Variants in OXCT1 observed in about 807,000 individuals in gnomAD.
OXCT1 encodes the protein 3-oxoacid CoA-transferase 1.
A neutral mutation model predicts 69.6 loss-of-function variants in OXCT1; 27 were observed. The observed-to-expected ratio is 0.39, with a 90% CI of 0.29 to 0.54. OXCT1 has a LOEUF of 0.54. OXCT1 is among the 20% of genes least tolerant of loss of function. OXCT1 has a pLI of 0.72. For synonymous variants in OXCT1, 202 were observed against 217.8 expected (o/e 0.93, Z 0.64); for missense variants, 437 against 650.2 (o/e 0.67, Z 3.57).
At position 41,821,541 on chromosome 5, in the gene OXCT1, A is replaced by G. The variant is rs530274725; in HGVS notation, c.733-14103T>C. Among the ~76,000 whole-genome samples the G allele has an allele frequency of 4.1e-4, 62 of 152,370 alleles. 1 individual carries two copies. Among genetic ancestry groups the G allele is most frequent in the African/African-American group, 1.5e-3 (62 of 41,588 alleles). On this transcript the variant is annotated intron_variant, in intron 7 of 16. Coordinates refer to ENST00000196371, the MANE Select transcript of OXCT1 (RefSeq NM_000436.4). ...GTATAAGAAAACACCAAACTGCGAA[A>G]GAAGCTGTAGCATTTTGCATTCTCA...
At chr5:41,769,637 G>A (rs1744787845) in intron 13 of OXCT1, among the ~76,000 whole-genome samples, 1 of 151,534 alleles carries the variant, frequency 6.6e-6, no homozygotes, top group Non-Finnish European at 1.5e-5. Context: ...GCTGAGGCAG[G>A]AAAATCACTT....
intron 14 of OXCT1, among the ~76,000 whole-genome samples, chr5:41,757,927 A>G (rs1300485203): frequency 1.3e-5 from 2 of 152,112 alleles, no homozygotes; most frequent in Non-Finnish European, 2.9e-5. Context: ...GACTATGTTT[A>G]CAGATTTTAA....
intron 3 of OXCT1, among the ~76,000 whole-genome samples, chr5:41,860,031 T>C (rs545370220): frequency 6.6e-6 from 1 of 151,716 alleles, no homozygotes; most frequent in Non-Finnish European, 1.5e-5. Context: ...GTATCCCTTA[T>C]AAGCATAAAG....
chr5:41,802,889 CTAT>C (rs1274897788), intron 10 of OXCT1, among the ~76,000 whole-genome samples, 177 bp downstream of exon 10: 3 of 152,018 alleles, frequency 2.0e-5, no homozygotes, highest in African/African-American at 4.8e-5. Flanking sequence ...TCAGATTTCA[CTAT>C]GTGGGACGGA....
intron 5 of OXCT1, chr5:41,843,726 C>G (rs1023438679): frequency 3.5e-6 from 1 of 288,086 alleles, no homozygotes; most frequent in African/African-American, 2.2e-5. Flanking sequence ...AGACTAAGTG[C>G]GTTTTACAAA....
At chr5:41,794,774 AAG>A (rs751741279) in intron 11 of OXCT1, 25 bp from the exon 12 acceptor site, 1 of 1,607,118 alleles carries the variant, frequency 6.2e-7, no homozygotes, top group South Asian at 1.1e-5. Context: ...ACACAAAAGA[AAG>A]AAAAGGCTAT....
chr5:41,755,994 A>T (rs1744049619), intron 14 of OXCT1, among the ~76,000 whole-genome samples: 1 of 152,098 alleles, frequency 6.6e-6, no homozygotes, highest in African/African-American at 2.4e-5. Flanking sequence ...AAGCCAGGAG[A>T]GAGTGAGTGA....
chr5:41,827,302 TAG>T (rs1028161718), intron 7 of OXCT1, among the ~76,000 whole-genome samples: 3 of 152,208 alleles, frequency 2.0e-5, no homozygotes, highest in African/African-American at 7.2e-5. Context: ...CAGAAAGTCA[TAG>T]AGAGACTCAG....
intron 7 of OXCT1, 52 bp downstream of exon 7, chr5:41,840,399 C>G: frequency 7.7e-7 from 1 of 1,293,830 alleles, no homozygotes; most frequent in Non-Finnish European, 1.1e-6. Flanking sequence ...TGAATTAATA[C>G]TTAACATCAA....
chr5:41,810,046 A>C (rs1035403518), intron 7 of OXCT1, among the ~76,000 whole-genome samples: 135 of 152,180 alleles, frequency 8.9e-4, no homozygotes, highest in African/African-American at 3.2e-3. Context: ...ACAAACCAAA[A>C]GAAGAAAACA....
In OXCT1 at chr5:41,762,450, A is replaced by C. The variant is rs974669681; in HGVS notation, c.1249-250T>G. ...ATGATTTTCTTGACATTTTAGCAATAAGACAATCAGTGGATTAAAAAAAAT... is the reference window on the plus strand; with the variant it reads ...ATGATTTTCTTGACATTTTAGCAATCAGACAATCAGTGGATTAAAAAAAAT... On this transcript the variant is annotated intron_variant, in intron 13 of 16. Coordinates refer to ENST00000196371, the MANE Select transcript of OXCT1 (RefSeq NM_000436.4). The surrounding 1 kb of genome is among the most constrained non-coding windows in gnomAD (Gnocchi z 4.0). 1.3e-5 allele frequency among the ~76,000 whole-genome samples: 2 copies of C among 152,118 alleles called. No homozygotes were observed. Among genetic ancestry groups the C allele is most frequent in the Admixed American group, 1.3e-4 (2 of 15,250 alleles).
At chr5:41,861,221 A>G (rs1167296305) in intron 3 of OXCT1, 93 bp downstream of exon 3, 44 of 847,892 alleles carry the variant, frequency 5.2e-5, no homozygotes, top group Admixed American at 1.5e-4. Context: ...GCTCATGTGA[A>G]TAGGAGAAAA....
chr5:41,731,202 C>A lies in OXCT1; in HGVS notation c.*527G>T. 5.6e-6 allele frequency: 1 copy of A among 179,670 alleles called. No individual in the cohort carries two copies. Among genetic ancestry groups the A allele is most frequent in the Non-Finnish European group, 1.1e-5 (1 of 92,080 alleles). The allele number at this position is 179,670 out of a possible 1,614,324, so 11.1% of individuals were successfully genotyped here. The stretch of plus-strand genomic sequence containing the variant: ...AGGCATTCCTGCTTGCCTTCTTGGG[C>A]ATCTGTTTAAAAGCAGTATGGGAGG... On this transcript the variant is annotated 3_prime_UTR_variant, in exon 17 of 17. Coordinates refer to ENST00000196371, the MANE Select transcript of OXCT1 (RefSeq NM_000436.4).
intron 3 of OXCT1, among the ~76,000 whole-genome samples, chr5:41,860,037 T>G (rs576314445): frequency 6.6e-6 from 1 of 151,848 alleles, no homozygotes; most frequent in African/African-American, 2.4e-5. Flanking sequence ...CTTATAAGCA[T>G]AAAGCTATCT....
At chr5:41,797,460 A>G (rs1746234898) in intron 11 of OXCT1, among the ~76,000 whole-genome samples, 1 of 152,244 alleles carries the variant, frequency 6.6e-6, no homozygotes, top group Non-Finnish European at 1.5e-5. Context: ...TGATTTTCAC[A>G]TAGAATGTCC....
intron 13 of OXCT1, among the ~76,000 whole-genome samples, chr5:41,779,864 G>A (rs1745310169): frequency 6.6e-6 from 1 of 151,802 alleles, no homozygotes; most frequent in Admixed American, 6.6e-5. Context: ...GAAATTACAA[G>A]CTACCCAGAA....
intron 11 of OXCT1, among the ~76,000 whole-genome samples, chr5:41,797,026 A>G (rs1050688956): frequency 1.3e-5 from 2 of 152,226 alleles, no homozygotes; most frequent in African/African-American, 4.8e-5. Flanking sequence ...ACCTTATTCT[A>G]GACACAATGT....
At chr5:41,830,476 C>T (rs1329455923) in intron 7 of OXCT1, among the ~76,000 whole-genome samples, 2 of 152,132 alleles carry the variant, frequency 1.3e-5, no homozygotes, top group African/African-American at 4.8e-5. Flanking sequence ...AGAGCTTTAA[C>T]CAGGTAAATT....
At chr5:41,761,006 T>A (rs924745119) in intron 14 of OXCT1, among the ~76,000 whole-genome samples, 2 of 152,128 alleles carry the variant, frequency 1.3e-5, no homozygotes, top group African/African-American at 4.8e-5. Context: ...GCAAATGAAC[T>A]GTCATTTCCA....
Sources: gnomAD v4.1 joint callset for allele counts (sites outside exome capture counted in the v4.1 genomes callset) on GRCh38, gnomAD v4.1.1 for gene constraint, Gnocchi (gnomAD v3.1) non-coding constraint, MANE v1.5 for transcripts, NCBI Gene and HGNC (gene_info 2026-07-23, HGNC 2026-07-21) for gene names.